The following ZC3HAV1 variants were observed in gnomAD, a reference collection of about 807,000 sequenced individuals.
ZC3HAV1 encodes the protein zinc finger CCCH-type containing, antiviral 1.
A neutral mutation model predicts 86.6 loss-of-function variants in ZC3HAV1; 41 were observed. The observed-to-expected ratio is 0.47, with a 90% CI of 0.37 to 0.61. The LOEUF is 0.61. Among genes scored for constraint, ZC3HAV1 ranks in the 20% least tolerant of loss-of-function variants. The pLI is 0.00. For missense variants in ZC3HAV1, 964 were observed against 1,141.1 expected, an observed-to-expected ratio of 0.84 and a Z score of 2.24; for synonymous variants, 421 against 432.1, an observed-to-expected ratio of 0.97 and a Z score of 0.32.
chr7:139,046,027 GACTTATA>G lies in ZC3HAV1; in HGVS notation c.*1560_*1566del, dbSNP rs1344341603. 7.0e-6 allele frequency: 1 copy of G among 142,598 alleles called. No individual in the cohort carries two copies. The highest frequency in any genetic ancestry group is 2.6e-5 in the African/African-American group (1 of 38,228). 8.8% of individuals were successfully genotyped at this position (142,598 alleles called of 1,614,324 possible). ...ATCAACTCTGATGCTAATTAAATCT[GACTTATA>G]ACTTGTCTGCTAAAAGAAATTATAA... On this transcript the variant is annotated 3_prime_UTR_variant, in exon 13 of 13. Transcript: ENST00000242351.
At position 139,109,341 on chromosome 7, in the gene ZC3HAV1, G is replaced by A. The variant is rs1387846043; in HGVS notation, c.-10C>T. 1 of 1,566,078 alleles carries A rather than the reference G, an allele frequency of 6.4e-7. No homozygotes were observed. The highest frequency in any genetic ancestry group is 8.7e-7 in the Non-Finnish European group (1 of 1,155,996). On this transcript the variant is annotated 5_prime_UTR_variant, in exon 1 of 13. Transcript: ENST00000242351. Reference sequence around the variant, plus strand: ...CCTCCGGGTCCGCCATGGCGCGCTGGCTGTGCTGGCTCTGCCGCGGCGCGG... The same window carrying A: ...CCTCCGGGTCCGCCATGGCGCGCTGACTGTGCTGGCTCTGCCGCGGCGCGG...
chr7:139,109,439 G>T lies in ZC3HAV1; in HGVS notation c.-108C>A. On this transcript the variant is annotated 5_prime_UTR_variant, in exon 1 of 13. Transcript: ENST00000242351. ...GGCGGGCGCGGGCGGTGCTACTGCT[G>T]GGCGCGCCCGGAGTCAGCGAGGGCG... The T allele has an allele frequency of 7.3e-7, 1 of 1,368,626 alleles. No individual in the cohort carries two copies. Among genetic ancestry groups the T allele is most frequent in the Non-Finnish European group, 9.6e-7 (1 of 1,042,198 alleles). 84.8% of individuals were successfully genotyped at this position (1,368,626 alleles called of 1,614,324 possible). A position where few individuals can be genotyped will look rare whatever the true frequency, so the allele number is the denominator to read the frequency against.
chr7:139,095,225 C>T (rs1258617072), intron 1 of ZC3HAV1, among the ~76,000 whole-genome samples: 2 of 152,032 alleles, frequency 1.3e-5, no homozygotes, highest in African/African-American at 2.4e-5. Flanking sequence ...CCAACCCTAA[C>T]GCGATATTAT....
At chr7:139,052,554 G>A (rs111458205) in intron 12 of ZC3HAV1, among the ~76,000 whole-genome samples, 17,456 of 143,604 alleles carry the variant, frequency 0.12, 1,429 homozygotes, top group Non-Finnish European at 0.18. Flanking sequence ...GCAGTGAACC[G>A]AGATCGAGCC....
intron 1 of ZC3HAV1, among the ~76,000 whole-genome samples, chr7:139,091,912 A>G (rs759481026): frequency 9.9e-5 from 15 of 152,174 alleles, no homozygotes; most frequent in Non-Finnish European, 1.8e-4. Context: ...TTCGAGACGA[A>G]TTAGGAGTCC....
At position 139,108,907 on chromosome 7, in the gene ZC3HAV1, G is replaced by T; in HGVS notation, c.308+117C>A. On this transcript the variant is annotated intron_variant, in intron 1 of 12. Coordinates refer to ENST00000242351, the MANE Select transcript of ZC3HAV1 (RefSeq NM_020119.4). This position sits in a 1 kb window ranked among gnomAD's most constrained non-coding sequence, Gnocchi z 4.2. ...AGCAGAGAAGGGAGTGGCTGGAGGCGGAGGCTGTCAGGTGCGGGGTCCCGG... is the reference window on the plus strand; with the variant it reads ...AGCAGAGAAGGGAGTGGCTGGAGGCTGAGGCTGTCAGGTGCGGGGTCCCGG... 3.8e-6 allele frequency: 5 copies of T among 1,311,674 alleles called. No individual in the cohort carries two copies. The highest frequency in any genetic ancestry group is 5.1e-6 in the Non-Finnish European group (5 of 976,050). 81.3% of individuals were successfully genotyped at this position (1,311,674 alleles called of 1,614,324 possible). A position where few individuals can be genotyped will look rare whatever the true frequency, so the allele number is the denominator to read the frequency against.
intron 9 of ZC3HAV1, among the ~76,000 whole-genome samples, chr7:139,058,304 A>G (rs1289047984): frequency 3.3e-5 from 5 of 152,028 alleles, no homozygotes; most frequent in Admixed American, 3.3e-4. Flanking sequence ...AAATAAAAAA[A>G]TTAGTCAGGT....
At chr7:139,053,840 A>G in intron 11 of ZC3HAV1, 125 bp downstream of exon 11, 1 of 1,313,668 alleles carries the variant, frequency 7.6e-7, no homozygotes, top group Non-Finnish European at 1.0e-6. Flanking sequence ...AAAAAAAAAA[A>G]AAGACTAGCG....
chr7:139,060,716 C>A, intron 9 of ZC3HAV1: 1 of 1,121,818 alleles, frequency 8.9e-7, no homozygotes, highest in Non-Finnish European at 1.1e-6. Context: ...AAACAAAAAC[C>A]CAGTATATAT....
At chr7:139,064,380 T>C (rs181006281) in intron 8 of ZC3HAV1, among the ~76,000 whole-genome samples, 3 of 152,334 alleles carry the variant, frequency 2.0e-5, no homozygotes, top group East Asian at 3.9e-4. Flanking sequence ...CTTTCTATAG[T>C]AGCTCCAATA....
At chr7:139,072,873 C>A (rs1179978100) in intron 7 of ZC3HAV1, among the ~76,000 whole-genome samples, 1 of 152,218 alleles carries the variant, frequency 6.6e-6, no homozygotes, top group Non-Finnish European at 1.5e-5. Flanking sequence ...TCTTTTCCAG[C>A]TCAAAGCAGT....
intron 1 of ZC3HAV1, among the ~76,000 whole-genome samples, chr7:139,102,586 A>G (rs1178901039): frequency 6.6e-6 from 1 of 152,150 alleles, no homozygotes. Flanking sequence ...ATGTCTAAAT[A>G]TTTAACAGTA....
intron 1 of ZC3HAV1, among the ~76,000 whole-genome samples, chr7:139,090,200 T>C (rs980847821): frequency 1.3e-5 from 2 of 152,192 alleles, no homozygotes; most frequent in Non-Finnish European, 2.9e-5. Flanking sequence ...GGATTACAGG[T>C]ATGAGCTACC....
At chr7:139,106,819 C>A (rs1447281342) in intron 1 of ZC3HAV1, among the ~76,000 whole-genome samples, 1 of 143,682 alleles carries the variant, frequency 7.0e-6, no homozygotes, top group African/African-American at 2.5e-5. Flanking sequence ...TACTAAAGTA[C>A]TTAGTAATCA....
At chr7:139,054,994 T>C (rs1387504856) in intron 10 of ZC3HAV1, among the ~76,000 whole-genome samples, 1 of 152,184 alleles carries the variant, frequency 6.6e-6, no homozygotes, top group African/African-American at 2.4e-5. Context: ...TTCACCGTGT[T>C]GTCCAGGCTG....
chr7:139,055,876 A>C (rs757220848), intron 9 of ZC3HAV1, among the ~76,000 whole-genome samples: 1 of 152,248 alleles, frequency 6.6e-6, no homozygotes, highest in Non-Finnish European at 1.5e-5. Flanking sequence ...AACAATCATT[A>C]TCATTAGCTA....
In ZC3HAV1 at chr7:139,044,118, G is replaced by A. The variant is rs1419704158; in HGVS notation, c.*3476C>T. On this transcript the variant is annotated 3_prime_UTR_variant, in exon 13 of 13. Transcript: ENST00000242351. ...TAGGTAGGACCTACAGCTTGTCCGA[G>A]AGAGTAACTCATTTGTTTTCTCTGA... 1 of 152,228 alleles carries A rather than the reference G, an allele frequency of 6.6e-6. No homozygotes were observed. Among genetic ancestry groups the A allele is most frequent in the Admixed American group, 6.5e-5 (1 of 15,278 alleles). 9.4% of individuals were successfully genotyped at this position (152,228 alleles called of 1,614,324 possible). A position where few individuals can be genotyped will look rare whatever the true frequency, so the allele number is the denominator to read the frequency against.
intron 11 of ZC3HAV1, 71 bp from the exon 12 acceptor site, chr7:139,053,652 G>T: frequency 6.7e-7 from 1 of 1,485,384 alleles, no homozygotes. Context: ...ATTAATCCCA[G>T]CTAAAGTCTA....
intron 1 of ZC3HAV1, among the ~76,000 whole-genome samples, chr7:139,097,166 TA>T (rs889650260): frequency 6.7e-5 from 10 of 149,502 alleles, no homozygotes; most frequent in East Asian, 3.9e-4. Context: ...AAATAAAAAA[TA>T]AAAAAAAGAA....
Sources: gnomAD v4.1 joint callset for allele counts (sites outside exome capture counted in the v4.1 genomes callset) on GRCh38, gnomAD v4.1.1 for gene constraint, Gnocchi (gnomAD v3.1) non-coding constraint, MANE v1.5 for transcripts, NCBI Gene and HGNC (gene_info 2026-07-23, HGNC 2026-07-21) for gene names.